Variants in CTBP2 observed in about 807,000 individuals in gnomAD.
CTBP2 encodes the protein C-terminal-binding protein 2.
CTBP2 carries 30 observed loss-of-function variants against 80.3 expected under a neutral mutation model. The ratio of observed to expected loss-of-function variants is 0.37; its 90% CI spans 0.28 to 0.51. The LOEUF is 0.51. Ranked by LOEUF, CTBP2 falls within the 20% of genes least tolerant of loss-of-function variation. CTBP2 has a pLI of 0.93. For missense variants in CTBP2, 1,212 were observed against 1,375.3 expected, an observed-to-expected ratio of 0.88 and a Z score of 1.88; for synonymous variants, 594 against 587.4, an observed-to-expected ratio of 1.01 and a Z score of -0.16.
chr10:125,154,983 T>A (rs1276286640), intron 1 of CTBP2, among the ~76,000 whole-genome samples: 1 of 152,260 alleles, frequency 6.6e-6, no homozygotes, highest in Admixed American at 6.5e-5. Flanking sequence ...AACTTCCTCC[T>A]GTGACTTAAG....
At chr10:125,038,410 C>T (rs3824793) in intron 3 of CTBP2, among the ~76,000 whole-genome samples, 13,151 of 152,224 alleles carry the variant, frequency 0.086, 771 homozygotes, top group Admixed American at 0.17. Context: ...CGAACCCACA[C>T]GCTGGTTTCT....
At chr10:125,134,008 G>A (rs551998837) in intron 1 of CTBP2, among the ~76,000 whole-genome samples, 1 of 152,270 alleles carries the variant, frequency 6.6e-6, no homozygotes, top group South Asian at 2.1e-4. Context: ...GTAAAACTTA[G>A]CAGGTAGGAT....
At chr10:125,130,608 A>C (rs1383484788) in intron 1 of CTBP2, among the ~76,000 whole-genome samples, 1 of 152,242 alleles carries the variant, frequency 6.6e-6, no homozygotes, top group African/African-American at 2.4e-5. Flanking sequence ...AAGCTTTTAA[A>C]GTATTAAGTA....
In CTBP2 at chr10:125,051,481, A is replaced by G. The variant is rs540268817; in HGVS notation, c.-101-12326T>C. ...ATGGCAAAACCCCATCTCTACTAAA[A>G]ATACAAAAATTAGCCAGGTGTGGTG... On this transcript the variant is annotated intron_variant, in intron 2 of 10. Coordinates refer to the CTBP2 transcript ENST00000337195. 3.3e-5 allele frequency among the ~76,000 whole-genome samples: 5 copies of G among 152,220 alleles called. No individual in the cohort carries two copies. In the South Asian group the frequency reaches 8.3e-4, roughly 25 times the overall value.
chr10:125,062,955 G>T (rs1178688230), intron 2 of CTBP2, among the ~76,000 whole-genome samples: 1 of 152,252 alleles, frequency 6.6e-6, no homozygotes, highest in Non-Finnish European at 1.5e-5. Flanking sequence ...AGAGAGGCTG[G>T]CTGAACAGAC....
Position 125,022,762 on chromosome 10 carries a change from A to T in CTBP2, c.1678+3320T>A, listed in dbSNP as rs537786608. On this transcript the variant is annotated intron_variant, in intron 1 of 8. Coordinates refer to ENST00000309035, the MANE Select transcript of CTBP2 (RefSeq NM_022802.3). ...CACAGCCCCTGGACCTCACCCCCAA[A>T]TGTCCTTGTGCTCTGAGATGGGGGA... 8.0e-4 allele frequency among the ~76,000 whole-genome samples: 122 copies of T among 152,244 alleles called. 1 individual carries two copies. The South Asian group carries it at 0.025, about 31-fold the overall frequency.
chr10:125,096,802 C>CT (rs1849618617), intron 2 of CTBP2, among the ~76,000 whole-genome samples: 2 of 151,794 alleles, frequency 1.3e-5, no homozygotes, highest in Admixed American at 1.3e-4. Flanking sequence ...GGGGAGATGT[C>CT]TGATATACAA....
chr10:125,012,281 G>C (rs1956017897), intron 1 of CTBP2, among the ~76,000 whole-genome samples: 1 of 152,210 alleles, frequency 6.6e-6, no homozygotes, highest in Admixed American at 6.5e-5. Context: ...TGAGGAGCAA[G>C]GAATAAGGAT....
At chr10:125,091,841 A>G (rs959684106) in intron 2 of CTBP2, among the ~76,000 whole-genome samples, 2 of 152,202 alleles carry the variant, frequency 1.3e-5, no homozygotes, top group African/African-American at 4.8e-5. Context: ...TATGGAAAAA[A>G]AAATCACCCA....
chr10:125,045,897 G>C (rs1207891068), intron 2 of CTBP2, among the ~76,000 whole-genome samples: 1 of 151,922 alleles, frequency 6.6e-6, no homozygotes, highest in Non-Finnish European at 1.5e-5. Flanking sequence ...CAACCCCAGA[G>C]TGACATGGTC....
chr10:125,119,589 CAT>C (rs1440120037), intron 1 of CTBP2, among the ~76,000 whole-genome samples: 18 of 152,270 alleles, frequency 1.2e-4, no homozygotes, highest in African/African-American at 4.3e-4. Context: ...AACTATGAAA[CAT>C]GTATTCAAAT....
rs1564914418 is a variant in CTBP2, at chr10:125,098,734, GAGAGAGAGAGAGAGAC to G, written c.-102+12240_-102+12255del. Among the ~76,000 whole-genome samples, 221 of 132,092 alleles carry G rather than the reference GAGAGAGAGAGAGAGAC, an allele frequency of 1.7e-3. 10 individuals are homozygous for G. Among genetic ancestry groups the G allele is most frequent in the African/African-American group, 6.1e-3 (207 of 34,004 alleles). The allele number at this position is 132,092 out of a possible 152,430, so 86.7% of individuals were successfully genotyped here. On this transcript the variant is annotated intron_variant, in intron 2 of 10. Coordinates refer to the CTBP2 transcript ENST00000337195. The stretch of plus-strand genomic sequence containing the variant: ...AGAGAGAGAGAGAGACAGAGAGAGA[GAGAGAGAGAGAGAGAC>G]AGAGAGAGAGAGAGAGAGAGAGAGA...
chr10:125,096,888 G>C (rs1849628735), intron 2 of CTBP2, among the ~76,000 whole-genome samples: 1 of 152,134 alleles, frequency 6.6e-6, no homozygotes, highest in Admixed American at 6.5e-5. Context: ...TGTGCAACAT[G>C]AATTATTGGA....
chr10:125,136,918 G>T (rs535852584), intron 1 of CTBP2, among the ~76,000 whole-genome samples: 1 of 152,178 alleles, frequency 6.6e-6, no homozygotes, highest in Non-Finnish European at 1.5e-5. Context: ...AGCCGGGAGC[G>T]ATTTCAAATG....
chr10:125,126,057 C>T (rs1855186525), intron 1 of CTBP2, among the ~76,000 whole-genome samples: 1 of 152,232 alleles, frequency 6.6e-6, no homozygotes, highest in Admixed American at 6.5e-5. Flanking sequence ...ACTGAGGTTG[C>T]GGGAAGGCAA....
chr10:124,995,334 A>G (rs2134142032), intron 4 of CTBP2, among the ~76,000 whole-genome samples: 1 of 152,346 alleles, frequency 6.6e-6, no homozygotes, highest in East Asian at 1.9e-4. Flanking sequence ...GCTATGTCAC[A>G]GGATGAGGAG....
intron 1 of CTBP2, 32 bp from the exon 2 acceptor site, chr10:125,111,125 T>C (rs1852223806): frequency 6.7e-6 from 1 of 150,106 alleles, no homozygotes; most frequent in Non-Finnish European, 1.5e-5. Flanking sequence ...TCAGTGAAGA[T>C]GAAGTAGAGA....
chr10:125,036,011 A>C (rs1335291292), intron 3 of CTBP2, among the ~76,000 whole-genome samples: 1 of 152,234 alleles, frequency 6.6e-6, no homozygotes, highest in Non-Finnish European at 1.5e-5. Flanking sequence ...ACATTAAAAA[A>C]ATTAAAATGT....
chr10:124,994,962 A>T (rs1036861504), intron 4 of CTBP2, among the ~76,000 whole-genome samples: 2 of 152,214 alleles, frequency 1.3e-5, no homozygotes, highest in Non-Finnish European at 2.9e-5. Context: ...CTTGTTATTG[A>T]CATTTTCAAA....
Sources: allele counts gnomAD v4.1 joint callset (sites outside exome capture counted in the v4.1 genomes callset), GRCh38; gene constraint gnomAD v4.1.1; transcripts MANE v1.5; gene names NCBI Gene and HGNC (gene_info 2026-07-23, HGNC 2026-07-21).